Variants in FADS2 observed in about 807,000 individuals in gnomAD.
FADS2 encodes the protein acyl-CoA 6-desaturase.
FADS2 carries 18 observed loss-of-function variants against 61.2 expected under a neutral mutation model. The observed-to-expected ratio is 0.29, with a 90% CI of 0.20 to 0.44. The LOEUF (loss-of-function observed/expected upper bound fraction) is 0.44. Among genes scored for constraint, FADS2 ranks in the 20% least tolerant of loss-of-function variants. The pLI, the probability that FADS2 is intolerant of heterozygous loss-of-function variation, is 1.00. For missense variants in FADS2, 322 were observed against 572.7 expected (o/e 0.56, Z 4.47); for synonymous variants, 203 against 223.9 (o/e 0.91, Z 0.83).
At chr11:61,824,437 AG>A (rs1565325181), upstream of FADS2, among the ~76,000 whole-genome samples, 1 of 4,560 alleles carries the variant, frequency 2.2e-4, no homozygotes, top group African/African-American at 4.4e-4. Context: ...AGAGAGAGGG[AG>A]GGAGGGAGGG....
upstream of FADS2, among the ~76,000 whole-genome samples, chr11:61,824,232 T>G (rs1220992703): frequency 6.6e-6 from 1 of 151,330 alleles, no homozygotes; most frequent in African/African-American, 2.4e-5. Context: ...AAATACAAAA[T>G]TAGCTGGGTG....
upstream of FADS2, among the ~76,000 whole-genome samples, chr11:61,827,107 C>T (rs1565326272): frequency 6.6e-6 from 1 of 152,188 alleles, no homozygotes; most frequent in Non-Finnish European, 1.5e-5. The surrounding 1 kb of genome is among the most constrained non-coding windows in gnomAD (Gnocchi z 4.5). Context: ...CCCGTTAGCC[C>T]TCCGGATGCA....
At chr11:61,830,666 G>A (rs1041644153) in intron 1 of FADS2, among the ~76,000 whole-genome samples, 7 of 152,190 alleles carry the variant, frequency 4.6e-5, no homozygotes, top group African/African-American at 9.7e-5. Context: ...GGAGCCAACC[G>A]GGGCTGCAAA....
chr11:61,841,413 G>A (rs1190913740), intron 4 of FADS2, among the ~76,000 whole-genome samples: 2 of 151,222 alleles, frequency 1.3e-5, no homozygotes, highest in African/African-American at 2.4e-5. Context: ...TCTTTAATAC[G>A]TTGTGCTGGG....
rs541122999 is a variant in FADS2 at position 61,856,955 on chromosome 11, A to T, written c.745-56A>T. The T allele has an allele frequency of 1.9e-5, 27 of 1,405,378 alleles. 1 individual carries two copies. In the African/African-American group the frequency reaches 2.3e-4, roughly 12 times the overall value. 87.1% of individuals were successfully genotyped at this position (1,405,378 alleles called of 1,614,324 possible). On this transcript the variant is annotated intron_variant, in intron 5 of 11. Coordinates refer to ENST00000278840, the MANE Select transcript of FADS2 (RefSeq NM_004265.4). ...GTGGCTGCAGGATGGGTTGGGGAAC[A>T]TGGGAGGCTGGGAGCTGAGGCTACT...
At chr11:61,847,082 C>G (rs569195251) in intron 4 of FADS2, 4 of 152,066 alleles carry the variant, frequency 2.6e-5, no homozygotes, top group Admixed American at 2.6e-4. Flanking sequence ...TACAGGCGCC[C>G]ACAACCACGC....
intron 1 of FADS2, among the ~76,000 whole-genome samples, chr11:61,834,797 T>C (rs1027103481): frequency 6.6e-6 from 1 of 152,128 alleles, no homozygotes; most frequent in Non-Finnish European, 1.5e-5. Flanking sequence ...AAGGGGCTTT[T>C]TCAGGCCCAG....
At position 61,865,605 on chromosome 11, in the gene FADS2, G is replaced by A; in HGVS notation, c.1284-33G>A. 1 of 1,608,084 alleles carries A rather than the reference G, an allele frequency of 6.2e-7. No homozygotes were observed. Among genetic ancestry groups the A allele is most frequent in the South Asian group, 1.1e-5 (1 of 90,416 alleles). On this transcript the variant is annotated intron_variant, in intron 11 of 11. Transcript: ENST00000278840. This position sits in a 1 kb window ranked among gnomAD's most constrained non-coding sequence, Gnocchi z 4.1. Reference sequence around the variant, plus strand: ...ACTCCCTGGGGCCACTCCCGTCCTGGTCCCTGACCCTGGTCCATCCCCAAC... The same window carrying A: ...ACTCCCTGGGGCCACTCCCGTCCTGATCCCTGACCCTGGTCCATCCCCAAC...
At chr11:61,822,455 A>G (rs1197636137) in intron 1 of FADS2, among the ~76,000 whole-genome samples, 1 of 152,184 alleles carries the variant, frequency 6.6e-6, no homozygotes, top group Non-Finnish European at 1.5e-5. Context: ...GTTCCTTAGC[A>G]GTGAGTTCAA....
chr11:61,833,160 C>T (rs564659804), intron 1 of FADS2, among the ~76,000 whole-genome samples: 26 of 152,288 alleles, frequency 1.7e-4, no homozygotes, highest in Admixed American at 5.9e-4. Context: ...CCTGCCCTGC[C>T]GAGGCGGGTG....
chr11:61,862,547 T>TG, intron 7 of FADS2: 1 of 211,522 alleles, frequency 4.7e-6, no homozygotes, highest in Admixed American at 5.4e-5. Context: ...CCAAGCCCTC[T>TG]GTCCTGCTGG....
intron 7 of FADS2, chr11:61,862,123 G>A (rs1368205098): frequency 6.6e-6 from 1 of 152,390 alleles, no homozygotes. Flanking sequence ...CGGGGAGGGA[G>A]TAAGCTAGGT....
chr11:61,838,238 G>C (rs2067190889), intron 2 of FADS2, among the ~76,000 whole-genome samples: 2 of 152,190 alleles, frequency 1.3e-5, no homozygotes, highest in South Asian at 2.1e-4. Flanking sequence ...GTGTGGTCCG[G>C]GGCACCTCTT....
At chr11:61,840,216 C>T (rs2067206899) in intron 2 of FADS2, 118 bp from the exon 3 acceptor site, 4 of 829,866 alleles carry the variant, frequency 4.8e-6, no homozygotes, top group Non-Finnish European at 8.0e-6. Context: ...GTGGCTTGGC[C>T]CCCTCTTGCC....
rs945245203 is a variant in FADS2 at position 61,865,979 on chromosome 11, C to T, written c.*290C>T. 1 of 507,342 alleles carries T rather than the reference C, an allele frequency of 2.0e-6. No homozygotes were observed. The highest frequency in any genetic ancestry group is 1.9e-5 in the African/African-American group (1 of 52,638). 31.4% of individuals were successfully genotyped at this position (507,342 alleles called of 1,614,324 possible). A position where few individuals can be genotyped will look rare whatever the true frequency, so the allele number is the denominator to read the frequency against. On this transcript the variant is annotated 3_prime_UTR_variant, in exon 12 of 12. Transcript: ENST00000278840. This position sits in a 1 kb window ranked among gnomAD's most constrained non-coding sequence, Gnocchi z 4.1. ...GCAGAGAGGTGGCCACCGGGGGTGG[C>T]TCTGTCCTACCTCCACTCTCTGCCC... is the stretch of plus-strand genomic sequence containing the variant.
At chr11:61,856,744 A>T in intron 5 of FADS2, 1 of 487,634 alleles carries the variant, frequency 2.1e-6, no homozygotes, top group South Asian at 3.5e-5. Flanking sequence ...TCAGCCTCAG[A>T]AGTGCCGGCC....
At chr11:61,862,872 C>T in intron 7 of FADS2, 100 bp from the exon 8 acceptor site, 1 of 921,782 alleles carries the variant, frequency 1.1e-6, no homozygotes, top group Non-Finnish European at 1.8e-6. Context: ...GGTCCAGCTT[C>T]TAGAGGCCTG....
At chr11:61,860,716 T>C (rs1311152987) in intron 7 of FADS2, among the ~76,000 whole-genome samples, 1 of 151,802 alleles carries the variant, frequency 6.6e-6, no homozygotes, top group Non-Finnish European at 1.5e-5. Flanking sequence ...GCCAGGAGTT[T>C]TGAGACCAGC....
intron 1 of FADS2, among the ~76,000 whole-genome samples, chr11:61,832,431 T>G (rs758338899): frequency 6.6e-6 from 1 of 152,228 alleles, no homozygotes; most frequent in Non-Finnish European, 1.5e-5. Flanking sequence ...TTTCTGTGGC[T>G]GTAGCCTCAG....
Sources: gnomAD v4.1 joint callset for allele counts (sites outside exome capture counted in the v4.1 genomes callset) on GRCh38, gnomAD v4.1.1 for gene constraint, Gnocchi (gnomAD v3.1) non-coding constraint, MANE v1.5 for transcripts, NCBI Gene and HGNC (gene_info 2026-07-23, HGNC 2026-07-21) for gene names.